The following SLCO3A1 variants were observed in gnomAD, a reference collection of about 807,000 sequenced individuals.
SLCO3A1 encodes the protein solute carrier organic anion transporter family member 3A1.
SLCO3A1 carries 27 observed loss-of-function variants against 63.1 expected under a neutral mutation model. The observed-to-expected ratio is 0.43, with a 90% CI of 0.32 to 0.59. The LOEUF is 0.59. SLCO3A1 is among the 20% of genes least tolerant of loss of function. The probability of loss-of-function intolerance (pLI) is 0.09; values close to 1 mark genes in which losing one functional copy is unlikely to be tolerated. For missense variants in SLCO3A1, 773 were observed against 945.8 expected (o/e 0.82, Z 2.40); for synonymous variants, 473 against 409.9 (o/e 1.15, Z -1.86).
Position 92,131,678 on chromosome 15 carries a change from G to C in SLCO3A1, c.1512+3189G>C, listed in dbSNP as rs766038797. Among the ~76,000 whole-genome samples, 10 of 145,686 alleles carry C rather than the reference G, an allele frequency of 6.9e-5. 1 individual carries two copies. Among genetic ancestry groups the C allele is most frequent in the Non-Finnish European group, 9.2e-5 (6 of 65,108 alleles). ...CACCTCTTAAAGAGCCACTTGGTAA[G>C]TGGAACTTGCAGTTCCCCAACACAT... On this transcript the variant is annotated intron_variant, in intron 7 of 9. Coordinates refer to ENST00000318445, the MANE Select transcript of SLCO3A1 (RefSeq NM_013272.4).
intron 3 of SLCO3A1, among the ~76,000 whole-genome samples, chr15:92,097,742 AC>A (rs1423767988): frequency 1.3e-5 from 2 of 152,192 alleles, no homozygotes; most frequent in African/African-American, 4.8e-5. Flanking sequence ...ACCGTGAGGC[AC>A]CGTGTGGCAC....
intron 2 of SLCO3A1, among the ~76,000 whole-genome samples, chr15:91,966,804 C>T (rs1031094381): frequency 1.3e-5 from 2 of 152,084 alleles, no homozygotes; most frequent in African/African-American, 4.8e-5. Flanking sequence ...TGGCACTGTT[C>T]GTGGAAAAAG....
intron 2 of SLCO3A1, among the ~76,000 whole-genome samples, chr15:92,080,717 G>GTGTGA (rs2047333477): frequency 6.6e-6 from 1 of 152,208 alleles, no homozygotes; most frequent in African/African-American, 2.4e-5. Flanking sequence ...TCACACTCGT[G>GTGTGA]GCGGCATACA....
chr15:91,988,200 T>C (rs1395691347), intron 2 of SLCO3A1, among the ~76,000 whole-genome samples: 2 of 151,842 alleles, frequency 1.3e-5, no homozygotes, highest in African/African-American at 2.4e-5. Context: ...CTCAGGAGTT[T>C]AAGACCAGCC....
intron 9 of SLCO3A1, 189 bp downstream of exon 9, chr15:92,151,203 C>G: frequency 7.3e-6 from 4 of 549,816 alleles, no homozygotes; most frequent in East Asian, 3.1e-5. Flanking sequence ...CTCGATATCA[C>G]GAAGTTCTCA....
At chr15:92,099,762 G>T (rs1199140905) in intron 3 of SLCO3A1, among the ~76,000 whole-genome samples, 1 of 152,094 alleles carries the variant, frequency 6.6e-6, no homozygotes, top group Non-Finnish European at 1.5e-5. Context: ...GGAAGGGTTA[G>T]AAAAATTGAT....
intron 4 of SLCO3A1, among the ~76,000 whole-genome samples, chr15:92,108,863 G>A (rs546370622): frequency 3.9e-5 from 6 of 151,996 alleles, no homozygotes; most frequent in Non-Finnish European, 5.9e-5. Flanking sequence ...CTGTGTACCC[G>A]GTGCTAGGTT....
At chr15:92,050,166 T>C (rs780952579) in intron 2 of SLCO3A1, among the ~76,000 whole-genome samples, 3 of 152,216 alleles carry the variant, frequency 2.0e-5, no homozygotes, top group Non-Finnish European at 2.9e-5. Context: ...TGTGGACTTT[T>C]TCTGGTGATG....
chr15:92,146,502 C>T lies in SLCO3A1; in HGVS notation c.1513-482C>T, dbSNP rs149332961. Among the ~76,000 whole-genome samples the T allele has an allele frequency of 4.6e-5, 7 of 152,344 alleles. No individual in the cohort carries two copies. In the East Asian group the frequency reaches 1.2e-3, roughly 25 times the overall value. ...GACGCGGTGACTTCACGCGTGACAG[C>T]GTGCAGCCTTTGTTCCAAGTGCCGT... On this transcript the variant is annotated intron_variant, in intron 7 of 9. Transcript: ENST00000318445.
At chr15:92,074,438 G>A (rs1465489306) in intron 2 of SLCO3A1, among the ~76,000 whole-genome samples, 1 of 152,140 alleles carries the variant, frequency 6.6e-6, no homozygotes, top group Non-Finnish European at 1.5e-5. Context: ...AGCTCATATT[G>A]TTTGTTCCAA....
intron 1 of SLCO3A1, among the ~76,000 whole-genome samples, chr15:91,906,262 G>C (rs1898305274): frequency 6.6e-6 from 1 of 152,152 alleles, no homozygotes; most frequent in Non-Finnish European, 1.5e-5. Context: ...AGTTACTAGG[G>C]GCTAACTAAC....
At chr15:92,089,263 T>C (rs1335995215) in intron 2 of SLCO3A1, among the ~76,000 whole-genome samples, 1 of 152,162 alleles carries the variant, frequency 6.6e-6, no homozygotes, top group African/African-American at 2.4e-5. Flanking sequence ...CCTGACCTCG[T>C]GATCCGCTTG....
chr15:92,161,716 A>C (rs189888486), intron 9 of SLCO3A1: 1 of 151,352 alleles, frequency 6.6e-6, no homozygotes, highest in African/African-American at 2.4e-5. Flanking sequence ...AAACAGAAGA[A>C]CACCACACAC....
chr15:91,971,298 G>A (rs1900852149), intron 2 of SLCO3A1, among the ~76,000 whole-genome samples: 2 of 150,716 alleles, frequency 1.3e-5, no homozygotes, highest in East Asian at 2.0e-4. Flanking sequence ...GGGAGGCTGA[G>A]GCAGGACAAT....
chr15:92,133,522 G>A (rs1288298498), intron 7 of SLCO3A1, among the ~76,000 whole-genome samples: 5 of 145,446 alleles, frequency 3.4e-5, no homozygotes, highest in East Asian at 1.9e-4. Flanking sequence ...ATTTATAGCC[G>A]CTCCCCATCG....
At chr15:91,890,523 C>T (rs1249600392) in intron 1 of SLCO3A1, among the ~76,000 whole-genome samples, 1 of 152,168 alleles carries the variant, frequency 6.6e-6, no homozygotes, top group East Asian at 1.9e-4. Flanking sequence ...ATTGACAATT[C>T]TGATTCTTAC....
chr15:92,029,477 C>T (rs191715270), intron 2 of SLCO3A1, among the ~76,000 whole-genome samples: 126 of 152,320 alleles, frequency 8.3e-4, no homozygotes, highest in Non-Finnish European at 2.4e-4. Context: ...CCTACTTAAA[C>T]GTAGTCAGTG....
Position 91,883,323 on chromosome 15 carries a change from G to T in SLCO3A1, c.180+29235G>T, listed in dbSNP as rs114498427. On this transcript the variant is annotated intron_variant, in intron 1 of 9. Transcript: ENST00000318445. The surrounding 1 kb of genome is among the most constrained non-coding windows in gnomAD (Gnocchi z 4.8). ...GGGACCCTAGAATCCCCTCTTTCTGGTTTGCTTTTTCACTCCATCAGCTGA... is the reference window on the plus strand; with the variant it reads ...GGGACCCTAGAATCCCCTCTTTCTGTTTTGCTTTTTCACTCCATCAGCTGA... Among the ~76,000 whole-genome samples the T allele has an allele frequency of 0.013, 2,030 of 152,230 alleles. 50 individuals are homozygous for T. The highest frequency in any genetic ancestry group is 0.047 in the African/African-American group (1,937 of 41,528).
chr15:92,074,162 A>G (rs1439443097), intron 2 of SLCO3A1, among the ~76,000 whole-genome samples: 7 of 152,004 alleles, frequency 4.6e-5, no homozygotes, highest in African/African-American at 1.7e-4. Flanking sequence ...CAAGAGTGAA[A>G]CTCCTTCTGA....
Sources: gnomAD v4.1 joint callset for allele counts (sites outside exome capture counted in the v4.1 genomes callset) on GRCh38, gnomAD v4.1.1 for gene constraint, Gnocchi (gnomAD v3.1) non-coding constraint, MANE v1.5 for transcripts, NCBI Gene and HGNC (gene_info 2026-07-23, HGNC 2026-07-21) for gene names.